Variants in RRAGD observed in about 807,000 individuals in gnomAD.
The protein encoded by RRAGD is Ras related GTP binding D.
RRAGD carries 12 observed loss-of-function variants against 35.5 expected under a neutral mutation model. The observed-to-expected ratio is 0.34, with a 90% CI of 0.22 to 0.55. The LOEUF is 0.55. Ranked by LOEUF, RRAGD falls within the 20% of genes least tolerant of loss-of-function variation. The pLI is 0.91. For missense variants in RRAGD, 324 were observed against 490.1 expected, an observed-to-expected ratio of 0.66 and a Z score of 3.20; for synonymous variants, 155 against 178.9, an observed-to-expected ratio of 0.87 and a Z score of 1.07.
intron 1 of RRAGD, among the ~76,000 whole-genome samples, chr6:89,399,349 A>T (rs141979293): frequency 6.6e-6 from 1 of 152,214 alleles, no homozygotes; most frequent in African/African-American, 2.4e-5. Flanking sequence ...GCCAAATTCA[A>T]TCATGGGCCA....
At chr6:89,369,350 T>G (rs917421965) in intron 6 of RRAGD, among the ~76,000 whole-genome samples, 1 of 152,248 alleles carries the variant, frequency 6.6e-6, no homozygotes, top group Admixed American at 6.5e-5. Flanking sequence ...AGCCTCAAGA[T>G]TCTCTGCTTT....
At chr6:89,394,198 T>C (rs1769289797) in intron 1 of RRAGD, among the ~76,000 whole-genome samples, 1 of 146,610 alleles carries the variant, frequency 6.8e-6, no homozygotes, top group Admixed American at 6.7e-5. Flanking sequence ...ACTCACAAAA[T>C]AAAATGGAGA....
chr6:89,407,437 A>C (rs573912230), intron 1 of RRAGD, among the ~76,000 whole-genome samples: 1 of 152,344 alleles, frequency 6.6e-6, no homozygotes, highest in African/African-American at 2.4e-5. Flanking sequence ...CAGGAGTTTA[A>C]GACCAGCCTG....
At chr6:89,392,681 CTTG>C (rs913516556) in intron 1 of RRAGD, among the ~76,000 whole-genome samples, 66 of 151,632 alleles carry the variant, frequency 4.4e-4, no homozygotes, top group Admixed American at 1.5e-3. Context: ...GTCTAAAACA[CTTG>C]TTAATACTTG....
At chr6:89,375,949 A>C (rs1336159651) in intron 5 of RRAGD, among the ~76,000 whole-genome samples, 1 of 152,238 alleles carries the variant, frequency 6.6e-6, no homozygotes, top group African/African-American at 2.4e-5. Flanking sequence ...GCTAATGACC[A>C]TATGGCACAA....
At chr6:89,379,363 C>A in intron 3 of RRAGD, 25 bp from the exon 4 acceptor site, 1 of 1,260,624 alleles carries the variant, frequency 7.9e-7, no homozygotes, top group South Asian at 1.3e-5. Context: ...GGTATTTCAT[C>A]ATGTTTTCCC....
chr6:89,398,571 C>T (rs2127895397), intron 1 of RRAGD, among the ~76,000 whole-genome samples: 1 of 152,306 alleles, frequency 6.6e-6, no homozygotes, highest in Non-Finnish European at 1.5e-5. Context: ...GGAGCTCCTC[C>T]AGAAGAGGGA....
intron 2 of RRAGD, among the ~76,000 whole-genome samples, chr6:89,385,023 C>T (rs1389918632): frequency 6.6e-6 from 1 of 151,820 alleles, no homozygotes; most frequent in Non-Finnish European, 1.5e-5. Context: ...TTGTGAATAG[C>T]CACTGCACTC....
At chr6:89,391,781 C>T (rs1292801727) in intron 1 of RRAGD, among the ~76,000 whole-genome samples, 2 of 151,348 alleles carry the variant, frequency 1.3e-5, no homozygotes, top group African/African-American at 4.9e-5. Flanking sequence ...GTCAAAACCC[C>T]ATCTCTACAA....
At chr6:89,403,059 T>C (rs1228385953) in intron 1 of RRAGD, among the ~76,000 whole-genome samples, 1 of 152,182 alleles carries the variant, frequency 6.6e-6, no homozygotes, top group Non-Finnish European at 1.5e-5. Context: ...GGATCTGATA[T>C]ACAACAGTGT....
At position 89,398,552 on chromosome 6, in the gene RRAGD, G is replaced by C. The variant is rs192960242; in HGVS notation, c.149-10962C>G. Reference sequence around the variant, plus strand: ...AGAATTTGGATGGGGTTGAGAGAAGGAGCAGGCAGGAGCTCCTCCAGAAGA... The same window carrying C: ...AGAATTTGGATGGGGTTGAGAGAAGCAGCAGGCAGGAGCTCCTCCAGAAGA... On this transcript the variant is annotated intron_variant, in intron 1 of 6. Coordinates refer to ENST00000369415, the MANE Select transcript of RRAGD (RefSeq NM_021244.5). Among the ~76,000 whole-genome samples the C allele has an allele frequency of 2.5e-3, 381 of 152,338 alleles. 3 individuals carry two copies. Among genetic ancestry groups the C allele is most frequent in the African/African-American group, 8.1e-3 (337 of 41,580 alleles).
rs117154755 is a variant in RRAGD, at chr6:89,406,180, T to A, written c.148+5666A>T. On this transcript the variant is annotated intron_variant, in intron 1 of 6. Coordinates refer to ENST00000369415, the MANE Select transcript of RRAGD (RefSeq NM_021244.5). ...CCTTAACATATGTATTCAGTAGCAG[T>A]CCTAATGATAAGGGGAGTGCTGGGA... Among the ~76,000 whole-genome samples the A allele has an allele frequency of 1.4e-3, 218 of 152,180 alleles. 1 individual carries two copies. In the East Asian group the frequency reaches 0.037, roughly 26 times the overall value.
At chr6:89,404,460 T>C (rs538755405) in intron 1 of RRAGD, among the ~76,000 whole-genome samples, 11 of 152,298 alleles carry the variant, frequency 7.2e-5, no homozygotes, top group Admixed American at 7.2e-4. Flanking sequence ...GTGAAGTTTA[T>C]TTACTGTGGT....
intron 1 of RRAGD, among the ~76,000 whole-genome samples, chr6:89,406,466 G>C (rs749107557): frequency 3.9e-5 from 6 of 152,024 alleles, no homozygotes; most frequent in Non-Finnish European, 7.4e-5. Flanking sequence ...ACAAGCGGCT[G>C]GACATCGAGA....
intron 1 of RRAGD, among the ~76,000 whole-genome samples, chr6:89,394,062 G>T (rs1456953670): frequency 6.6e-6 from 1 of 152,088 alleles, no homozygotes; most frequent in Non-Finnish European, 1.5e-5. Context: ...AGATTCAGAA[G>T]AACCATTATT....
intron 6 of RRAGD, among the ~76,000 whole-genome samples, chr6:89,372,227 C>T (rs558222291): frequency 8.5e-5 from 13 of 152,296 alleles, no homozygotes; most frequent in Admixed American, 5.2e-4. Context: ...GCAGATGCAC[C>T]ACTAGAGGGC....
intron 1 of RRAGD, among the ~76,000 whole-genome samples, chr6:89,405,643 C>T (rs966125119): frequency 3.9e-5 from 6 of 152,046 alleles, no homozygotes; most frequent in African/African-American, 9.7e-5. Flanking sequence ...GCCTAGGCAA[C>T]GAGAGGGTCT....
intron 2 of RRAGD, among the ~76,000 whole-genome samples, chr6:89,381,071 G>A (rs945371637): frequency 1.3e-5 from 2 of 152,172 alleles, no homozygotes; most frequent in Admixed American, 6.5e-5. Context: ...GCCACTGGGC[G>A]GGTGGGGAAG....
intron 1 of RRAGD, among the ~76,000 whole-genome samples, chr6:89,407,780 T>C (rs1402283265): frequency 6.6e-6 from 1 of 152,136 alleles, no homozygotes. Context: ...GACTCAGTTA[T>C]CTTTGAAAGA....
Sources: gnomAD v4.1 joint callset for allele counts (sites outside exome capture counted in the v4.1 genomes callset) on GRCh38, gnomAD v4.1.1 for gene constraint, MANE v1.5 for transcripts, NCBI Gene and HGNC (gene_info 2026-07-23, HGNC 2026-07-21) for gene names.